Variants in DYRK3 observed in about 807,000 individuals in gnomAD.
DYRK3 encodes the protein dual specificity tyrosine phosphorylation regulated kinase 3, also known as dual specificity tyrosine-phosphorylation-regulated kinase 3.
In DYRK3, 30 loss-of-function variants were observed where a neutral mutation model predicts 40.8. The observed-to-expected ratio is 0.74, with a 90% confidence interval of 0.55 to 1.00. The LOEUF is 1.00. Ranked by LOEUF, DYRK3 falls within the 50% of genes least tolerant of loss-of-function variation. DYRK3 has a pLI of 0.00. For missense variants in DYRK3, 699 were observed against 731.5 expected, an observed-to-expected ratio of 0.96 and a Z score of 0.51; for synonymous variants, 272 against 260.7, an observed-to-expected ratio of 1.04 and a Z score of -0.42.
At chr1:206,638,874 C>CTTT (rs782152819) in intron 2 of DYRK3, among the ~76,000 whole-genome samples, 11 of 130,580 alleles carry the variant, frequency 8.4e-5, no homozygotes, top group African/African-American at 2.9e-4. Context: ...AACCTTTTTC[C>CTTT]TTTTTTTTTT....
In DYRK3 at chr1:206,649,645, G is replaced by T. The variant is rs1671578882; in HGVS notation, c.*680G>T. 6.6e-6 allele frequency among the ~76,000 whole-genome samples: 1 copy of T among 152,144 alleles called. No homozygotes were observed. Among genetic ancestry groups the T allele is most frequent in the Non-Finnish European group, 1.5e-5 (1 of 68,014 alleles). Reference sequence around the variant, plus strand: ...CCACTTTACTAAATAACCCTGTAAGGTACTGATTTAAAAACTGAGTCATAT... The same window carrying T: ...CCACTTTACTAAATAACCCTGTAAGTTACTGATTTAAAAACTGAGTCATAT... On this transcript the variant is annotated 3_prime_UTR_variant, in exon 3 of 3. Transcript: ENST00000367109.
intron 2 of DYRK3, among the ~76,000 whole-genome samples, chr1:206,642,581 A>G (rs980188130): frequency 2.0e-5 from 3 of 152,230 alleles, no homozygotes; most frequent in Non-Finnish European, 4.4e-5. Flanking sequence ...CATATACACC[A>G]TGGAATACTG....
Position 206,647,437 on chromosome 1 carries a change from G to T in DYRK3, c.239G>T (p.Gly80Val). ...GATCATACTCAGCACTTTTTGGATG[G>T]AGGTGAGATGAAGGTAGAACAGCTG... ...TGDHTQHFLD[G>V]GEMKVEQLFQ... is the part of the protein sequence containing the mutation. Residue 80 changes from glycine (G) to valine (V), a missense_variant, in exon 3 of 3, where the codon GGA (glycine) becomes GTA (valine). Physicochemically the swap from Gly to Val is moderately radical, Grantham distance 109 (BLOSUM62 -3). Coordinates refer to ENST00000367109, the MANE Select transcript of DYRK3 (RefSeq NM_003582.4). 1 of 1,613,612 alleles carries T rather than the reference G, an allele frequency of 6.2e-7. No homozygotes were observed. Among genetic ancestry groups the T allele is most frequent in the Non-Finnish European group, 8.5e-7 (1 of 1,179,872 alleles).
rs190168136 is a variant in DYRK3, at chr1:206,654,863, A to G, written c.*5898A>G. Among the ~76,000 whole-genome samples, 11 of 152,328 alleles carry G rather than the reference A, an allele frequency of 7.2e-5. No homozygotes were observed. Among genetic ancestry groups the G allele is most frequent in the African/African-American group, 2.4e-4 (10 of 41,580 alleles). On this transcript the variant is annotated 3_prime_UTR_variant, in exon 3 of 3. Transcript: ENST00000367109. ...CTAGACTCTAATATTTTTCTATAAC[A>G]GGAGAAGCCTCCCTGACTGGAGACT...
intron 2 of DYRK3, among the ~76,000 whole-genome samples, chr1:206,638,799 T>C (rs1467882032): frequency 3.3e-5 from 5 of 152,064 alleles, no homozygotes; most frequent in Non-Finnish European, 7.4e-5. Context: ...AAATTGTTTC[T>C]ATATGGAAAA....
intron 2 of DYRK3, among the ~76,000 whole-genome samples, chr1:206,646,247 CAT>C (rs1319989862): frequency 1.3e-5 from 2 of 152,174 alleles, no homozygotes; most frequent in African/African-American, 2.4e-5. Context: ...TATCATCTCA[CAT>C]AGTTACCCTT....
chr1:206,643,800 G>A (rs1470757608), intron 2 of DYRK3, among the ~76,000 whole-genome samples: 1 of 152,072 alleles, frequency 6.6e-6, no homozygotes, highest in East Asian at 1.9e-4. Context: ...GGAGGAAGCC[G>A]CCAGCAAGAG....
rs1256247668 is a variant in DYRK3 at position 206,653,615 on chromosome 1, T to G, written c.*4650T>G. ...GTTGACCCACACAATCTCTGATGTCTTCTTTTTGGGAAAGGGTAATGAGAT... is the reference window on the plus strand; with the variant it reads ...GTTGACCCACACAATCTCTGATGTCGTCTTTTTGGGAAAGGGTAATGAGAT... On this transcript the variant is annotated 3_prime_UTR_variant, in exon 3 of 3. Transcript: ENST00000367109. Among the ~76,000 whole-genome samples, 1 of 152,226 alleles carries G rather than the reference T, an allele frequency of 6.6e-6. No homozygotes were observed. The highest frequency in any genetic ancestry group is 2.4e-5 in the African/African-American group (1 of 41,448).
In DYRK3 at chr1:206,654,243, G is replaced by A. The variant is rs1671698984; in HGVS notation, c.*5278G>A. Among the ~76,000 whole-genome samples the A allele has an allele frequency of 6.6e-6, 1 of 152,236 alleles. No homozygotes were observed. Among genetic ancestry groups the A allele is most frequent in the African/African-American group, 2.4e-5 (1 of 41,454 alleles). On this transcript the variant is annotated 3_prime_UTR_variant, in exon 3 of 3. Transcript: ENST00000367109. ...ACAATGATTGTTCTAGACTGCCTCT[G>A]TAATGCTTTTTCTCCTCTGAGAATT...
At position 206,647,734 on chromosome 1, in the gene DYRK3, A is replaced by G. The variant is rs200872238; in HGVS notation, c.536A>G (p.His179Arg). 1 of 1,614,160 alleles carries G rather than the reference A, an allele frequency of 6.2e-7. No homozygotes were observed. The highest frequency in any genetic ancestry group is 8.5e-7 in the Non-Finnish European group (1 of 1,180,026). ...YFVGPNAKKR[H>R]GVIGGPNNGG... ...GTAGGTCCAAATGCCAAGAAAAGAC[A>G]TGGAGTTATTGGTGGTCCCAATAAT... is the stretch of plus-strand genomic sequence containing the variant. The change falls in exon 3 of 3, where the codon CAT (histidine) becomes CGT (arginine). Residue 179 changes from histidine (H) to arginine (R), a missense_variant. His to Arg is a conservative substitution (Grantham distance 29). Transcript: ENST00000367109.
In DYRK3 at chr1:206,648,991, A is replaced by G. The variant is rs201145019; in HGVS notation, c.*26A>G. ...TGGACAGAGATATGCCCAGAGATGCATATGTGTATATTTTTATGATCTTAC... is the reference window on the plus strand; with the variant it reads ...TGGACAGAGATATGCCCAGAGATGCGTATGTGTATATTTTTATGATCTTAC... On this transcript the variant is annotated 3_prime_UTR_variant, in exon 3 of 3. Transcript: ENST00000367109. 3.0e-5 allele frequency: 46 copies of G among 1,557,670 alleles called. 1 individual carries two copies. In the South Asian group the frequency reaches 5.2e-4, roughly 18 times the overall value.
At chr1:206,636,657 G>A (rs1200266881) in intron 1 of DYRK3, among the ~76,000 whole-genome samples, 16 of 152,006 alleles carry the variant, frequency 1.1e-4, no homozygotes, top group African/African-American at 3.9e-4. Context: ...AGTTTTTAAG[G>A]TGACCAGAAT....
At chr1:206,644,389 C>G (rs1671390574) in intron 2 of DYRK3, among the ~76,000 whole-genome samples, 1 of 152,012 alleles carries the variant, frequency 6.6e-6, no homozygotes, top group African/African-American at 2.4e-5. Context: ...CCTTCTGACT[C>G]CCTGTTTCTT....
At chr1:206,640,319 A>G (rs1336488272) in intron 2 of DYRK3, among the ~76,000 whole-genome samples, 2 of 152,200 alleles carry the variant, frequency 1.3e-5, no homozygotes, top group African/African-American at 2.4e-5. Context: ...TCATTATGCC[A>G]TGACTCTATC....
At position 206,635,635 on chromosome 1, in the gene DYRK3, G is replaced by A. The variant is rs1671074631; in HGVS notation, c.-69G>A. On this transcript the variant is annotated 5_prime_UTR_variant, in exon 1 of 3. Coordinates refer to ENST00000367109, the MANE Select transcript of DYRK3 (RefSeq NM_003582.4). ...GTCGCGCCGCGGAGGCAGCCGTCCC[G>A]GCGTAGGTGGCGTGGCCGACCGGAC... is the stretch of plus-strand genomic sequence containing the variant. 1 of 1,240,494 alleles carries A rather than the reference G, an allele frequency of 8.1e-7. No homozygotes were observed. Among genetic ancestry groups the A allele is most frequent in the Non-Finnish European group, 1.0e-6 (1 of 988,674 alleles). The allele number at this position is 1,240,494 out of a possible 1,614,324, so 76.8% of individuals were successfully genotyped here.
At position 206,637,696 on chromosome 1, in the gene DYRK3, A is replaced by G. The variant is rs1264174624; in HGVS notation, c.124A>G (p.Lys42Glu). 6.2e-7 allele frequency: 1 copy of G among 1,613,978 alleles called. No individual in the cohort carries two copies. The highest frequency in any genetic ancestry group is 8.5e-7 in the Non-Finnish European group (1 of 1,179,994). The change falls in exon 2 of 3, where the codon AAA (lysine) becomes GAA (glutamate). Residue 42 changes from lysine (K) to glutamate (E), a missense_variant. Physicochemically the swap from Lys to Glu is moderately conservative, Grantham distance 56 (BLOSUM62 1). Coordinates refer to ENST00000367109, the MANE Select transcript of DYRK3 (RefSeq NM_003582.4). ...YDTFMMIDET[K>E]CPPCSNVLCN... Reference sequence around the variant, plus strand: ...CACCTTCATGATGATAGATGAAACCAAATGTCCCCCCTGTTCAAATGTACT... The same window carrying G: ...CACCTTCATGATGATAGATGAAACCGAATGTCCCCCCTGTTCAAATGTACT...
chr1:206,637,764 A>T lies in DYRK3; in HGVS notation c.189+3A>T, dbSNP rs1453663969. The T allele has an allele frequency of 6.3e-7, 1 of 1,599,458 alleles. No individual in the cohort carries two copies. ...CACCTCCACCCAGAAGACTAAATGT[A>T]AGTAAAAGAAGTCATTCTTTGTACA... On this transcript the variant is annotated splice_donor_region_variant and intron_variant, in intron 2 of 2. Transcript: ENST00000367109.
chr1:206,641,450 T>C (rs1347157573), intron 2 of DYRK3, among the ~76,000 whole-genome samples: 2 of 150,100 alleles, frequency 1.3e-5, no homozygotes, highest in Non-Finnish European at 2.9e-5. Context: ...CTATGGTATA[T>C]ATATATATAC....
intron 2 of DYRK3, among the ~76,000 whole-genome samples, chr1:206,643,578 A>G (rs1671348912): frequency 6.6e-6 from 1 of 152,172 alleles, no homozygotes; most frequent in Non-Finnish European, 1.5e-5. Context: ...ATTCCTTTTC[A>G]TTAGGGCATT....
Sources: allele counts gnomAD v4.1 joint callset (sites outside exome capture counted in the v4.1 genomes callset), GRCh38; gene constraint gnomAD v4.1.1; transcripts MANE v1.5; gene names NCBI Gene and HGNC (gene_info 2026-07-23, HGNC 2026-07-21).